The following MIER1 variants were observed in gnomAD, a reference collection of about 807,000 sequenced individuals.
MIER1 encodes mesoderm induction early response protein 1.
MIER1 carries 40 observed loss-of-function variants against 75.7 expected under a neutral mutation model. That is an observed-to-expected ratio of 0.53 (90% CI 0.41 to 0.69). The LOEUF is 0.69. Ranked by LOEUF, MIER1 falls within the 30% of genes least tolerant of loss-of-function variation. MIER1 has a pLI of 0.00. For synonymous variants in MIER1, 213 were observed against 223.4 expected, an observed-to-expected ratio of 0.95 and a Z score of 0.42; for missense variants, 574 against 680.2, an observed-to-expected ratio of 0.84 and a Z score of 1.74.
Position 66,974,798 on chromosome 1 carries a change from A to G in MIER1, c.1102-1797A>G, listed in dbSNP as rs531197156. Among the ~76,000 whole-genome samples, 8 of 152,308 alleles carry G rather than the reference A, an allele frequency of 5.3e-5. No individual in the cohort carries two copies. The South Asian group carries it at 1.7e-3, about 32-fold the overall frequency. ...GGGAGACGAGTACTCTAGTGAGAATATCGAGTTTGTTTTTATGTCTGGAAT... is the reference window on the plus strand; with the variant it reads ...GGGAGACGAGTACTCTAGTGAGAATGTCGAGTTTGTTTTTATGTCTGGAAT... On this transcript the variant is annotated intron_variant, in intron 11 of 13. Transcript: ENST00000401041.
intron 8 of MIER1, among the ~76,000 whole-genome samples, chr1:66,966,242 G>GTTC (rs202082570): frequency 6.6e-6 from 1 of 152,130 alleles, no homozygotes; most frequent in East Asian, 1.9e-4. Context: ...GTGTCCAAGT[G>GTTC]TTCTCATTGT....
At chr1:66,956,286 T>G (rs1290382292) in intron 4 of MIER1, among the ~76,000 whole-genome samples, 1 of 152,028 alleles carries the variant, frequency 6.6e-6, no homozygotes, top group Non-Finnish European at 1.5e-5. Flanking sequence ...CCAGGCATGG[T>G]GGTGCACATG....
intron 3 of MIER1, among the ~76,000 whole-genome samples, chr1:66,941,498 A>G (rs559809558): frequency 6.6e-5 from 10 of 152,196 alleles, no homozygotes; most frequent in Non-Finnish European, 1.2e-4. Flanking sequence ...TAGTATTGTG[A>G]TATTGCAAAT....
At chr1:66,956,307 G>C (rs970461696) in intron 4 of MIER1, among the ~76,000 whole-genome samples, 2 of 152,150 alleles carry the variant, frequency 1.3e-5, no homozygotes, top group African/African-American at 4.8e-5. Flanking sequence ...TATAGTCCCA[G>C]ATACTTGGGA....
At chr1:66,925,423 G>C (rs755054475) in intron 1 of MIER1, 26 of 985,336 alleles carry the variant, frequency 2.6e-5, no homozygotes, top group Admixed American at 1.8e-4. Context: ...CCTGATCCCA[G>C]TCGGGGTGGG....
At chr1:66,927,868 C>A (rs1021783343) in intron 2 of MIER1, among the ~76,000 whole-genome samples, 1 of 152,062 alleles carries the variant, frequency 6.6e-6, no homozygotes, top group Non-Finnish European at 1.5e-5. Flanking sequence ...TCCCATCCAA[C>A]ACTAAAATTC....
intron 8 of MIER1, among the ~76,000 whole-genome samples, chr1:66,964,311 G>C (rs1010161837): frequency 2.0e-5 from 3 of 151,846 alleles, no homozygotes; most frequent in Non-Finnish European, 4.4e-5. Flanking sequence ...CTCACCTCGT[G>C]ATCCGCCTGC....
chr1:66,969,794 C>T (rs1663238304), intron 8 of MIER1, among the ~76,000 whole-genome samples: 1 of 152,092 alleles, frequency 6.6e-6, no homozygotes, highest in South Asian at 2.1e-4. Flanking sequence ...CCCCTATCTC[C>T]ACCATCATAA....
chr1:66,959,192 A>T (rs1378717532), intron 6 of MIER1, among the ~76,000 whole-genome samples: 1 of 151,882 alleles, frequency 6.6e-6, no homozygotes, highest in African/African-American at 2.4e-5. Context: ...GTACTACTTG[A>T]CTTTGGGTGT....
At chr1:66,958,730 C>T (rs908449797) in intron 5 of MIER1, 121 bp from the exon 6 acceptor site, 2 of 714,892 alleles carry the variant, frequency 2.8e-6, no homozygotes, top group Non-Finnish European at 4.4e-6. Context: ...GAGGATGATA[C>T]TACATCTAGT....
chr1:66,953,643 G>T (rs1659489599), intron 4 of MIER1, among the ~76,000 whole-genome samples: 2 of 145,572 alleles, frequency 1.4e-5, no homozygotes, highest in Admixed American at 7.0e-5. Flanking sequence ...TCACTCTGTT[G>T]CCCAGGCTGG....
At chr1:66,934,256 A>G (rs1317382957) in intron 2 of MIER1, among the ~76,000 whole-genome samples, 3 of 152,164 alleles carry the variant, frequency 2.0e-5, no homozygotes, top group African/African-American at 7.2e-5. Context: ...GAAGAAATCT[A>G]AATCTTTTGA....
intron 4 of MIER1, among the ~76,000 whole-genome samples, chr1:66,956,423 A>G (rs568235005): frequency 6.6e-6 from 1 of 152,272 alleles, no homozygotes; most frequent in Admixed American, 6.5e-5. Flanking sequence ...CAAAAAATAA[A>G]TCTAGCCTTT....
chr1:66,929,981 G>A (rs1399269985), intron 2 of MIER1, among the ~76,000 whole-genome samples: 1 of 152,228 alleles, frequency 6.6e-6, no homozygotes, highest in African/African-American at 2.4e-5. Flanking sequence ...CTTTGGCACT[G>A]TTCCTTGACC....
intron 12 of MIER1, among the ~76,000 whole-genome samples, chr1:66,977,040 T>G (rs1401684337): frequency 2.0e-5 from 3 of 152,142 alleles, no homozygotes; most frequent in African/African-American, 7.2e-5. Context: ...AAGAAATGGA[T>G]CAGAACAGCT....
intron 2 of MIER1, among the ~76,000 whole-genome samples, chr1:66,938,186 ATATT>A (rs1375011166): frequency 2.0e-5 from 3 of 152,194 alleles, no homozygotes; most frequent in Non-Finnish European, 2.9e-5. Context: ...AATCAGTAAG[ATATT>A]TATTGGCATT....
intron 2 of MIER1, chr1:66,929,230 T>A (rs577844989): frequency 3.0e-4 from 123 of 404,284 alleles, no homozygotes; most frequent in Admixed American, 1.6e-4. Context: ...TTGGAAGGAA[T>A]GAATAATTCT....
chr1:66,981,513 C>T, intron 12 of MIER1, among the ~76,000 whole-genome samples: 1 of 152,282 alleles, frequency 6.6e-6, no homozygotes, highest in South Asian at 2.1e-4. Flanking sequence ...CTCTGAGCAC[C>T]TGCCTACAAC....
chr1:66,962,739 C>T (rs1212535312), intron 7 of MIER1, among the ~76,000 whole-genome samples: 3 of 152,156 alleles, frequency 2.0e-5, no homozygotes, highest in African/African-American at 7.2e-5. Flanking sequence ...AGACCACTGT[C>T]TTAAGTGTAG....
Sources: allele counts gnomAD v4.1 joint callset (sites outside exome capture counted in the v4.1 genomes callset), GRCh38; gene constraint gnomAD v4.1.1; transcripts MANE v1.5; gene names NCBI Gene and HGNC (gene_info 2026-07-23, HGNC 2026-07-21).